The following PLCL2 variants were observed in gnomAD, a reference collection of about 807,000 sequenced individuals.
PLCL2 encodes the protein phospholipase C like 2, also known as inactive phospholipase C-like protein 2.
In PLCL2, 4 loss-of-function variants were observed where a neutral mutation model predicts 79.6. That is an observed-to-expected ratio of 0.05 (90% confidence interval 0.02 to 0.11). The LOEUF (loss-of-function observed/expected upper bound fraction) is 0.11, where lower values mean the gene tolerates loss of function less well. Ranked by LOEUF, PLCL2 falls within the 10% of genes least tolerant of loss-of-function variation. The pLI is 1.00. For missense variants in PLCL2, 895 were observed against 1,291.0 expected, an observed-to-expected ratio of 0.69 and a Z score of 4.70; for synonymous variants, 484 against 457.7, an observed-to-expected ratio of 1.06 and a Z score of -0.73.
chr3:16,899,001 G>A (rs965868845), intron 1 of PLCL2, among the ~76,000 whole-genome samples: 3 of 152,260 alleles, frequency 2.0e-5, no homozygotes, highest in Non-Finnish European at 2.9e-5. Flanking sequence ...GTAACCATTA[G>A]TGCTGTGCTG....
intron 1 of PLCL2, among the ~76,000 whole-genome samples, chr3:16,982,573 G>A (rs993452187): frequency 2.6e-5 from 4 of 152,198 alleles, no homozygotes; most frequent in African/African-American, 9.7e-5. Flanking sequence ...TAGAGCCTGG[G>A]ATGGGGTGTT....
chr3:17,007,348 G>A (rs966737696), intron 1 of PLCL2, among the ~76,000 whole-genome samples: 40 of 152,150 alleles, frequency 2.6e-4, no homozygotes, highest in African/African-American at 9.7e-4. Context: ...TTTGTTTCAT[G>A]TCCTTATGCA....
At chr3:17,037,913 T>C (rs1266524293) in intron 3 of PLCL2, among the ~76,000 whole-genome samples, 1 of 152,052 alleles carries the variant, frequency 6.6e-6, no homozygotes, top group African/African-American at 2.4e-5. Flanking sequence ...AATCTAGTAA[T>C]ATATAATATA....
chr3:17,034,489 A>C (rs2064621307), intron 3 of PLCL2, among the ~76,000 whole-genome samples: 1 of 152,354 alleles, frequency 6.6e-6, no homozygotes, highest in South Asian at 2.1e-4. Flanking sequence ...GCTGTGTGGT[A>C]GTAGGAGGTT....
At chr3:17,001,553 G>A (rs1479841243) in intron 1 of PLCL2, among the ~76,000 whole-genome samples, 2 of 152,036 alleles carry the variant, frequency 1.3e-5, no homozygotes, top group African/African-American at 4.8e-5. Context: ...TAGGGATCTA[G>A]TTTTATTCTT....
In PLCL2 at chr3:16,887,663, C is replaced by T. The variant is rs1313108463; in HGVS notation, c.327+2297C>T. 6.6e-6 allele frequency among the ~76,000 whole-genome samples: 1 copy of T among 152,118 alleles called. No individual in the cohort carries two copies. The highest frequency in any genetic ancestry group is 1.5e-5 in the Non-Finnish European group (1 of 68,016). ...TTTTTGGAATGTATTGTGGTATTTT[C>T]TAAAGATAACTTCCAGCATCAGGAC... On this transcript the variant is annotated intron_variant, in intron 1 of 5. Transcript: ENST00000615277. This position sits in a 1 kb window ranked among gnomAD's most constrained non-coding sequence, Gnocchi z 4.1.
At chr3:16,948,286 G>A (rs904260904) in intron 1 of PLCL2, among the ~76,000 whole-genome samples, 2 of 151,198 alleles carry the variant, frequency 1.3e-5, no homozygotes, top group Admixed American at 6.6e-5. Context: ...TTATAAATCC[G>A]TTTATATGAA....
intron 1 of PLCL2, among the ~76,000 whole-genome samples, chr3:16,971,397 G>T (rs1010314189): frequency 2.0e-5 from 3 of 152,048 alleles, no homozygotes; most frequent in Non-Finnish European, 4.4e-5. Flanking sequence ...ATTTCTGAGG[G>T]CTCTGTTCTG....
At chr3:17,004,046 C>T (rs80141631) in intron 1 of PLCL2, among the ~76,000 whole-genome samples, 2 of 152,178 alleles carry the variant, frequency 1.3e-5, no homozygotes, top group Non-Finnish European at 2.9e-5. Flanking sequence ...ATGGTGGCCA[C>T]ATCTTCTTCC....
intron 5 of PLCL2, among the ~76,000 whole-genome samples, chr3:17,072,333 CAT>C (rs1031472626): frequency 2.6e-5 from 4 of 151,982 alleles, no homozygotes; most frequent in African/African-American, 9.7e-5. Flanking sequence ...TTTAAAGCTA[CAT>C]GTTTTAGTTA....
intron 4 of PLCL2, among the ~76,000 whole-genome samples, chr3:17,065,938 T>G (rs771989935): frequency 3.3e-5 from 5 of 152,228 alleles, no homozygotes; most frequent in Non-Finnish European, 7.3e-5. Context: ...TGGTACCTCC[T>G]GACTGCCAGA....
chr3:16,993,470 T>C (rs2064124062), intron 1 of PLCL2, among the ~76,000 whole-genome samples: 1 of 152,142 alleles, frequency 6.6e-6, no homozygotes, highest in African/African-American at 2.4e-5. Flanking sequence ...AGTGAGTCAG[T>C]ATAGAGTTGC....
At chr3:17,005,401 C>T (rs1002802885) in intron 1 of PLCL2, among the ~76,000 whole-genome samples, 1 of 152,136 alleles carries the variant, frequency 6.6e-6, no homozygotes, top group African/African-American at 2.4e-5. Context: ...TATGAAATTA[C>T]CCATGCCCAT....
At chr3:16,933,884 A>G (rs1182136015) in intron 1 of PLCL2, among the ~76,000 whole-genome samples, 1 of 152,104 alleles carries the variant, frequency 6.6e-6, no homozygotes, top group African/African-American at 2.4e-5. Context: ...CTTGGCCAAC[A>G]TGGTGAAACC....
chr3:17,069,673 A>T (rs887208608), intron 5 of PLCL2, among the ~76,000 whole-genome samples: 2 of 152,206 alleles, frequency 1.3e-5, no homozygotes, highest in Non-Finnish European at 2.9e-5. Flanking sequence ...CCTGAAGTTA[A>T]AAGCTCCATC....
intron 4 of PLCL2, chr3:17,044,063 C>G (rs2064756600): frequency 6.6e-6 from 1 of 152,350 alleles, no homozygotes. Context: ...CCGTGTGTTA[C>G]TCAGGAGTCT....
intron 1 of PLCL2, among the ~76,000 whole-genome samples, chr3:16,906,699 G>T (rs1243295629): frequency 6.6e-6 from 1 of 152,038 alleles, no homozygotes; most frequent in Admixed American, 6.5e-5. Context: ...CTAAAATAAA[G>T]CTTCATAAAT....
chr3:17,057,306 T>A (rs2064901418), intron 4 of PLCL2, among the ~76,000 whole-genome samples: 1 of 152,192 alleles, frequency 6.6e-6, no homozygotes, highest in East Asian at 1.9e-4. Flanking sequence ...ATAAAGCCCT[T>A]GTCTCAAGTT....
At chr3:16,899,827 C>G (rs1355657696) in intron 1 of PLCL2, among the ~76,000 whole-genome samples, 1 of 148,264 alleles carries the variant, frequency 6.7e-6, no homozygotes, top group Non-Finnish European at 1.5e-5. Flanking sequence ...TTAAAATATC[C>G]CCCCCGCCGC....
Sources: allele counts gnomAD v4.1 joint callset (sites outside exome capture counted in the v4.1 genomes callset), GRCh38; gene constraint gnomAD v4.1.1; non-coding constraint Gnocchi (gnomAD v3.1); transcripts MANE v1.5; gene names NCBI Gene and HGNC (gene_info 2026-07-23, HGNC 2026-07-21).